Variants in WDR72 observed in about 807,000 individuals in gnomAD.
WDR72 encodes WD repeat domain 72, also known as WD repeat-containing protein 72.
In WDR72, 120 loss-of-function variants were observed where a neutral mutation model predicts 124.2. The observed-to-expected ratio is 0.97, with a 90% CI of 0.83 to 1.12. The LOEUF is 1.12. Ranked by LOEUF, WDR72 falls within the 50% of genes most tolerant of loss-of-function variation. The pLI, the probability that WDR72 is intolerant of heterozygous loss-of-function variation, is 0.00. For missense variants in WDR72, 1,387 were observed against 1,278.8 expected, an observed-to-expected ratio of 1.08 and a Z score of -1.29; for synonymous variants, 452 against 441.7, an observed-to-expected ratio of 1.02 and a Z score of -0.29.
chr15:53,646,617 TC>T (rs1163740336), intron 14 of WDR72, among the ~76,000 whole-genome samples: 1 of 152,076 alleles, frequency 6.6e-6, no homozygotes, highest in Admixed American at 6.6e-5. Flanking sequence ...CAATGTATTC[TC>T]CCCAACAAAA....
chr15:53,563,953 T>C (rs762622627), intron 18 of WDR72, among the ~76,000 whole-genome samples: 21 of 151,864 alleles, frequency 1.4e-4, no homozygotes, highest in Non-Finnish European at 2.2e-4. Flanking sequence ...GTCCGCTGAA[T>C]TACAGGTTTG....
chr15:53,749,811 G>C (rs1264895543), intron 1 of WDR72, among the ~76,000 whole-genome samples: 2 of 152,170 alleles, frequency 1.3e-5, no homozygotes, highest in Non-Finnish European at 2.9e-5. Context: ...GATCAGGAAA[G>C]ATGATCAAAC....
In WDR72 at chr15:53,681,807, G is replaced by A. The variant is rs528577968; in HGVS notation, c.1766-16039C>T. Reference sequence around the variant, plus strand: ...TAAGATGCCAGGAGAACCAAAAAAAGGTGGAGTTGAATAATATCTCAATTA... The same window carrying A: ...TAAGATGCCAGGAGAACCAAAAAAAAGTGGAGTTGAATAATATCTCAATTA... On this transcript the variant is annotated intron_variant, in intron 13 of 19. Transcript: ENST00000360509. Among the ~76,000 whole-genome samples, 107 of 151,926 alleles carry A rather than the reference G, an allele frequency of 7.0e-4. 2 individuals are homozygous for A. In the South Asian group the frequency reaches 0.021, roughly 30 times the overall value.
intron 14 of WDR72, among the ~76,000 whole-genome samples, chr15:53,647,946 T>C (rs62005956): frequency 0.067 from 10,175 of 152,160 alleles, 554 homozygotes; most frequent in East Asian, 0.26. Flanking sequence ...CCAGATTGAC[T>C]ACTCCTAGTC....
At chr15:53,597,322 G>A in intron 17 of WDR72, 48 bp from the exon 18 acceptor site, 3 of 1,582,650 alleles carry the variant, frequency 1.9e-6, no homozygotes, top group Non-Finnish European at 2.6e-6. Context: ...TATTACAAAT[G>A]CTTGGGTATG....
chr15:53,529,145 C>CATATATATATATATATATATATATAT (rs34418320), intron 18 of WDR72, among the ~76,000 whole-genome samples: 2 of 112,550 alleles, frequency 1.8e-5, no homozygotes, highest in Admixed American at 9.0e-5. Context: ...CTGTTTAGCC[C>CATATATATATATATATATATATATAT]ATATATATAT....
intron 14 of WDR72, among the ~76,000 whole-genome samples, chr15:53,653,152 C>A (rs1270036490): frequency 7.2e-5 from 11 of 152,132 alleles, no homozygotes; most frequent in Non-Finnish European, 1.3e-4. Flanking sequence ...AAAAAGGAAG[C>A]ATTCTTTACT....
chr15:53,706,351 T>TGTATATATATATATATATATAC (rs1555426201), intron 9 of WDR72, among the ~76,000 whole-genome samples: 1 of 11,314 alleles, frequency 8.8e-5, no homozygotes, highest in African/African-American at 2.4e-4. Flanking sequence ...TGTGTGTGTG[T>TGTATATATATATATATATATAC]ATATATATAT....
At chr15:53,615,175 A>G (rs1007420845) in intron 15 of WDR72, among the ~76,000 whole-genome samples, 8 of 151,998 alleles carry the variant, frequency 5.3e-5, no homozygotes, top group African/African-American at 1.7e-4. Flanking sequence ...TTCCTGGCAC[A>G]TATTATGAGA....
intron 13 of WDR72, among the ~76,000 whole-genome samples, chr15:53,688,935 G>A (rs1353668891): frequency 6.6e-6 from 1 of 152,100 alleles, no homozygotes; most frequent in Admixed American, 6.6e-5. Context: ...TCTGATCTTT[G>A]ACAAACCTGA....
chr15:53,615,345 A>G, intron 15 of WDR72, 81 bp downstream of exon 15: 1 of 1,163,484 alleles, frequency 8.6e-7, no homozygotes, highest in South Asian at 1.5e-5. Context: ...AAGGAATGTT[A>G]AAGAGCTAAA....
At chr15:53,640,473 C>T (rs747827356) in intron 14 of WDR72, among the ~76,000 whole-genome samples, 7 of 152,116 alleles carry the variant, frequency 4.6e-5, no homozygotes, top group Non-Finnish European at 8.8e-5. Flanking sequence ...TTACATAAGC[C>T]ATTTCTCCAC....
At chr15:53,523,381 G>A (rs924051515) in intron 18 of WDR72, 59 bp from the exon 19 acceptor site, 5 of 1,502,210 alleles carry the variant, frequency 3.3e-6, no homozygotes, top group Middle Eastern at 3.5e-4. Flanking sequence ...AAAAGTAGTA[G>A]CAAACACCAT....
At chr15:53,578,248 T>G (rs2011717288) in intron 18 of WDR72, among the ~76,000 whole-genome samples, 1 of 152,054 alleles carries the variant, frequency 6.6e-6, no homozygotes, top group Admixed American at 6.6e-5. Flanking sequence ...AACCAGGTGA[T>G]GAAAACACAG....
At chr15:53,587,302 T>C (rs4448884) in intron 18 of WDR72, among the ~76,000 whole-genome samples, 48,495 of 151,896 alleles carry the variant, frequency 0.32, 8,284 homozygotes, top group Admixed American at 0.42. Context: ...GGCCACTACC[T>C]TGTATATTAA....
chr15:53,702,438 A>C (rs564884175), intron 11 of WDR72, 84 bp from the exon 12 acceptor site: 1 of 1,143,704 alleles, frequency 8.7e-7, no homozygotes, highest in African/African-American at 1.6e-5. Flanking sequence ...TAAAATTTTA[A>C]CATAAGGAAA....
chr15:53,529,173 TTTTTTTTTA>T (rs1388803012), intron 18 of WDR72, among the ~76,000 whole-genome samples: 1 of 138,970 alleles, frequency 7.2e-6, no homozygotes, highest in African/African-American at 2.9e-5. Flanking sequence ...TATTTTTTTT[TTTTTTTTTA>T]AAAGAATATA....
intron 18 of WDR72, among the ~76,000 whole-genome samples, chr15:53,596,260 C>A (rs2012767954): frequency 6.6e-6 from 1 of 152,050 alleles, no homozygotes; most frequent in African/African-American, 2.4e-5. Flanking sequence ...TTAATGTATT[C>A]ATGAAAAGCT....
At position 53,715,234 on chromosome 15, in the gene WDR72, C is replaced by A; in HGVS notation, c.473G>T (p.Trp158Leu). The A allele has an allele frequency of 6.2e-7, 1 of 1,614,082 alleles. No individual in the cohort carries two copies. Among genetic ancestry groups the A allele is most frequent in the Non-Finnish European group, 8.5e-7 (1 of 1,180,006 alleles). ...GTGAACAATGCACATGCAGTTGATCCAGTCAGGAAACTGAGATGATCTAAA... is the reference window on the plus strand; with the variant it reads ...GTGAACAATGCACATGCAGTTGATCAAGTCAGGAAACTGAGATGATCTAAA... ...HSFRSSQFPD[W>L]INCMCIVHSM... Residue 158 changes from tryptophan to leucine, a missense_variant, in exon 5 of 20, where the codon TGG (tryptophan) becomes TTG (leucine). Trp to Leu is a moderately conservative substitution (Grantham distance 61, BLOSUM62 -2). Transcript: ENST00000360509.
Sources: gnomAD v4.1 joint callset for allele counts (sites outside exome capture counted in the v4.1 genomes callset) on GRCh38, gnomAD v4.1.1 for gene constraint, MANE v1.5 for transcripts, NCBI Gene and HGNC (gene_info 2026-07-23, HGNC 2026-07-21) for gene names.